Variants in SAMHD1 observed in about 807,000 individuals in gnomAD.
SAMHD1 encodes the protein deoxynucleoside triphosphate triphosphohydrolase SAMHD1.
In SAMHD1, 54 loss-of-function variants were observed where a neutral mutation model predicts 79.6. That is an observed-to-expected ratio of 0.68 (90% CI 0.55 to 0.85). SAMHD1 has a LOEUF of 0.85. Ranked by LOEUF, SAMHD1 falls within the 40% of genes least tolerant of loss-of-function variation. The pLI, the probability that SAMHD1 is intolerant of heterozygous loss-of-function variation, is 0.00. For synonymous variants in SAMHD1, 260 were observed against 264.1 expected (o/e 0.98, Z 0.15); for missense variants, 663 against 782.7 (o/e 0.85, Z 1.82).
In SAMHD1 at chr20:36,951,549, C is replaced by T. The variant is rs2063734692; in HGVS notation, c.95G>A (p.Trp32Ter). 6.2e-7 allele frequency: 1 copy of T among 1,614,110 alleles called. No individual in the cohort carries two copies. The highest frequency in any genetic ancestry group is 1.1e-5 in the South Asian group (1 of 91,092). The change falls in exon 1 of 16, where the codon TGG becomes TAG. Residue 32 changes from tryptophan (W) to a stop codon, truncating the protein, a stop_gained. Coordinates refer to ENST00000646673, the MANE Select transcript of SAMHD1 (RefSeq NM_015474.4). LOFTEE classifies it high-confidence loss of function. ...PSNTPSAEADWSPGLELHPDY... is the reference protein window; with the variant it reads ...PSNTPSAEAD ...GGGATGGAGTTCCAGGCCCGGGGACCAGTCTGCCTCTGCGGAAGGGGTGTT... is the reference window on the plus strand; with the variant it reads ...GGGATGGAGTTCCAGGCCCGGGGACTAGTCTGCCTCTGCGGAAGGGGTGTT...
chr20:36,926,184 CAACAA>C, intron 6 of SAMHD1, among the ~76,000 whole-genome samples: 1 of 151,928 alleles, frequency 6.6e-6, no homozygotes. Flanking sequence ...ATCCAAATTC[CAACAA>C]AACAAGAAAG....
At chr20:36,932,988 T>C (rs2063577381) in intron 4 of SAMHD1, among the ~76,000 whole-genome samples, 1 of 152,170 alleles carries the variant, frequency 6.6e-6, no homozygotes, top group Admixed American at 6.6e-5. Flanking sequence ...AGTACTTAAA[T>C]GCACTTCCAG....
intron 1 of SAMHD1, among the ~76,000 whole-genome samples, chr20:36,947,419 T>TGATTTGGAAGAG (rs1202888319): frequency 9.3e-6 from 1 of 107,570 alleles, no homozygotes; most frequent in Non-Finnish European, 1.8e-5. Context: ...TGTGTGTGTG[T>TGATTTGGAAGAG]GTGTGTGTGT....
At chr20:36,904,642 G>A (rs976673516) in intron 12 of SAMHD1, 15 of 276,630 alleles carry the variant, frequency 5.4e-5, no homozygotes, top group Non-Finnish European at 8.5e-5. Context: ...GCTTGAATCC[G>A]GGAGGTGGAG....
chr20:36,925,373 G>A (rs2063530524), intron 6 of SAMHD1, among the ~76,000 whole-genome samples: 1 of 152,194 alleles, frequency 6.6e-6, no homozygotes, highest in Admixed American at 6.5e-5. Context: ...CCAAGTGGAT[G>A]TTAGACCTCA....
At position 36,919,385 on chromosome 20, in the gene SAMHD1, T is replaced by A. The variant is rs202019609; in HGVS notation, c.831A>T (p.Glu277Asp). The A allele has an allele frequency of 3.1e-5, 50 of 1,613,564 alleles. No individual in the cohort carries two copies. Among genetic ancestry groups the A allele is most frequent in the Non-Finnish European group, 3.1e-5 (36 of 1,179,750 alleles). ...TTACCAATGAATCTTCGACAGGTGA[T>A]TCAAGTGGTCCTACAATTTGTTCCT... ...FIKEQIVGPL[E>D]SPVEDSLWPY... is the part of the protein sequence containing the mutation. The change falls in exon 7 of 16, where the codon GAA becomes GAT. Residue 277 changes from glutamate to aspartate, a missense_variant. Coordinates refer to ENST00000646673, the MANE Select transcript of SAMHD1 (RefSeq NM_015474.4).
intron 1 of SAMHD1, among the ~76,000 whole-genome samples, chr20:36,949,455 T>TAA (rs113009599): frequency 2.3e-4 from 29 of 123,500 alleles, no homozygotes; most frequent in Admixed American, 4.8e-4. Flanking sequence ...TGTCTCTAAT[T>TAA]AAAAAAAAAA....
At chr20:36,912,777 TA>T (rs1324632212) in intron 9 of SAMHD1, among the ~76,000 whole-genome samples, 3 of 142,168 alleles carry the variant, frequency 2.1e-5, no homozygotes, top group Non-Finnish European at 3.1e-5. Flanking sequence ...TTTTTTTTTT[TA>T]AAAGATGAGG....
chr20:36,930,928 G>T, intron 4 of SAMHD1, 53 bp from the exon 5 acceptor site: 1 of 1,220,650 alleles, frequency 8.2e-7, no homozygotes, highest in Non-Finnish European at 1.2e-6. Context: ...AGGAGTGATA[G>T]TTCTGGTCCT....
In SAMHD1 at chr20:36,892,138, C is replaced by T. The variant is rs1990090309; in HGVS notation, c.*794G>A. 1 of 152,346 alleles carries T rather than the reference C, an allele frequency of 6.6e-6. No homozygotes were observed. Among genetic ancestry groups the T allele is most frequent in the Non-Finnish European group, 1.5e-5 (1 of 68,146 alleles). The allele number at this position is 152,346 out of a possible 1,614,324, so 9.4% of individuals were successfully genotyped here. ...CTGTCACTGGGGTAGGATCTCCCAA[C>T]AAGAGGCGGCTTTATGTTCCACTCA... is the stretch of plus-strand genomic sequence containing the variant. On this transcript the variant is annotated 3_prime_UTR_variant, in exon 16 of 16. Coordinates refer to ENST00000646673, the MANE Select transcript of SAMHD1 (RefSeq NM_015474.4).
At chr20:36,911,583 T>G in intron 10 of SAMHD1, 1 of 436,958 alleles carries the variant, frequency 2.3e-6, no homozygotes. Flanking sequence ...ATAAGGTAGG[T>G]GTATTCAGCC....
At chr20:36,915,599 T>C (rs181124754) in intron 9 of SAMHD1, among the ~76,000 whole-genome samples, 101 of 151,658 alleles carry the variant, frequency 6.7e-4, no homozygotes, top group African/African-American at 2.3e-3. Context: ...TAGCTGGGCG[T>C]GGTAGCATGC....
In SAMHD1 at chr20:36,950,080, T is replaced by C. The variant is rs544206281; in HGVS notation, c.208+1356A>G. Among the ~76,000 whole-genome samples the C allele has an allele frequency of 1.4e-4, 22 of 152,176 alleles. 1 individual carries two copies. In the South Asian group the frequency reaches 1.7e-3, roughly 11 times the overall value. ...AAAGCAGAAGCTAAGACATGAGCAA[T>C]TGGGAACAGTTGGTCAGTTTTTACC... is the stretch of plus-strand genomic sequence containing the variant. On this transcript the variant is annotated intron_variant, in intron 1 of 15. Coordinates refer to ENST00000646673, the MANE Select transcript of SAMHD1 (RefSeq NM_015474.4).
At chr20:36,918,978 A>C (rs2063490843) in intron 7 of SAMHD1, among the ~76,000 whole-genome samples, 2 of 151,824 alleles carry the variant, frequency 1.3e-5, no homozygotes, top group Admixed American at 6.6e-5. Context: ...TCTACAAAAA[A>C]TACAAAAATT....
chr20:36,945,468 A>AT lies in SAMHD1; in HGVS notation c.275+1269dup, dbSNP rs2063679384. On this transcript the variant is annotated intron_variant, in intron 2 of 15. Transcript: ENST00000646673. ...GTGTAGCCTTGATTTTCTTACTAAC[A>AT]TTTTTTTCCCTATTGGTTCTTATGT... is the stretch of plus-strand genomic sequence containing the variant. Among the ~76,000 whole-genome samples the AT allele has an allele frequency of 2.0e-5, 3 of 152,110 alleles. 1 individual carries two copies. The highest frequency in any genetic ancestry group is 2.1e-4 in the South Asian group (1 of 4,818).
chr20:36,891,834 C>T lies in SAMHD1; in HGVS notation c.*1098G>A, dbSNP rs1990081659. ...TCCCAAGTAGCTGGGACTACAGGCA[C>T]ACGCCGCCACGCCTGGCTAGTGTTT... On this transcript the variant is annotated 3_prime_UTR_variant, in exon 16 of 16. Coordinates refer to ENST00000646673, the MANE Select transcript of SAMHD1 (RefSeq NM_015474.4). 1 of 152,484 alleles carries T rather than the reference C, an allele frequency of 6.6e-6. No homozygotes were observed. The highest frequency in any genetic ancestry group is 1.9e-4 in the East Asian group (1 of 5,210). The allele number at this position is 152,484 out of a possible 1,614,324, so 9.4% of individuals were successfully genotyped here.
chr20:36,906,625 G>T (rs904005479), intron 11 of SAMHD1, among the ~76,000 whole-genome samples: 2 of 151,986 alleles, frequency 1.3e-5, no homozygotes, highest in South Asian at 4.1e-4. Context: ...ATAAAACAAT[G>T]ATTTTTTAAT....
chr20:36,934,045 CA>C (rs1199152184), intron 4 of SAMHD1, among the ~76,000 whole-genome samples: 179 of 133,312 alleles, frequency 1.3e-3, no homozygotes, highest in Middle Eastern at 3.8e-3. Context: ...GACTCCATCT[CA>C]AAAAAAAAAA....
At chr20:36,939,391 G>A (rs4619680) in intron 3 of SAMHD1, among the ~76,000 whole-genome samples, 1,808 of 151,956 alleles carry the variant, frequency 0.012, 132 homozygotes, top group Admixed American at 0.11. Flanking sequence ...TCAGGAGTTC[G>A]AGACCAGCCT....
Sources: allele counts gnomAD v4.1 joint callset (sites outside exome capture counted in the v4.1 genomes callset), GRCh38; gene constraint gnomAD v4.1.1; transcripts MANE v1.5; gene names NCBI Gene and HGNC (gene_info 2026-07-23, HGNC 2026-07-21).